The following GRM7 variants were observed in gnomAD, a reference collection of about 807,000 sequenced individuals.
The protein encoded by GRM7 is glutamate metabotropic receptor 7, also known as metabotropic glutamate receptor 7.
A neutral mutation model predicts 84.5 loss-of-function variants in GRM7; 35 were observed. The ratio of observed to expected loss-of-function variants is 0.41; its 90% confidence interval spans 0.32 to 0.55. The LOEUF is 0.55. Among genes scored for constraint, GRM7 ranks in the 20% least tolerant of loss-of-function variants. The pLI is 0.19. For synonymous variants in GRM7, 487 were observed against 455.1 expected (o/e 1.07, Z -0.89); for missense variants, 1,003 against 1,194.6 (o/e 0.84, Z 2.36).
At position 6,887,632 on chromosome 3, in the gene GRM7, G is replaced by C. The variant is rs144130962; in HGVS notation, c.519+25725G>C. ...CATTTTCTTAATCCAGTCTATCATTGCTGGACATTTGGGTTGGTTCCAAGT... is the reference window on the plus strand; with the variant it reads ...CATTTTCTTAATCCAGTCTATCATTCCTGGACATTTGGGTTGGTTCCAAGT... On this transcript the variant is annotated intron_variant, in intron 1 of 9. Transcript: ENST00000357716. 8.6e-3 allele frequency among the ~76,000 whole-genome samples: 1,313 copies of C among 152,148 alleles called. 5 individuals carry two copies. Among genetic ancestry groups the C allele is most frequent in the Non-Finnish European group, 0.015 (1,000 of 68,020 alleles).
intron 2 of GRM7, among the ~76,000 whole-genome samples, chr3:7,176,321 G>A (rs965154122): frequency 2.0e-5 from 3 of 149,516 alleles, no homozygotes; most frequent in African/African-American, 4.9e-5. Context: ...AAAGGTGGGA[G>A]GATTGATTGA....
chr3:7,153,249 T>C (rs1694344876), intron 2 of GRM7, among the ~76,000 whole-genome samples: 1 of 150,794 alleles, frequency 6.6e-6, no homozygotes, highest in African/African-American at 2.4e-5. Flanking sequence ...TTATCCCTCA[T>C]AACTTAAATT....
At position 7,065,069 on chromosome 3, in the gene GRM7, G is replaced by C. The variant is rs1425118862; in HGVS notation, c.520-81383G>C. Among the ~76,000 whole-genome samples the C allele has an allele frequency of 1.7e-4, 26 of 151,532 alleles. No homozygotes were observed. In the Admixed American group the frequency reaches 1.7e-3, roughly 10 times the overall value. On this transcript the variant is annotated intron_variant, in intron 1 of 9. Transcript: ENST00000357716. ...TTTTCTTACTGATTTGTTTGAGTTG[G>C]TTGTAGATTCTGGTTATTAGTCCTT...
intron 1 of GRM7, among the ~76,000 whole-genome samples, chr3:6,940,171 A>C (rs1354755311): frequency 6.6e-6 from 1 of 152,094 alleles, no homozygotes; most frequent in Non-Finnish European, 1.5e-5. Flanking sequence ...GGCTCACTGC[A>C]GACTCCGCCT....
intron 8 of GRM7, among the ~76,000 whole-genome samples, chr3:7,647,646 A>G (rs28627576): frequency 0.59 from 90,145 of 152,056 alleles, 27,052 homozygotes; most frequent in Non-Finnish European, 0.63. Flanking sequence ...GAGTAATAAT[A>G]GAGACCACTA....
chr3:7,349,937 A>G (rs1025127570), intron 4 of GRM7, among the ~76,000 whole-genome samples: 1 of 151,904 alleles, frequency 6.6e-6, no homozygotes, highest in Non-Finnish European at 1.5e-5. Context: ...TTTAAGCCCA[A>G]TTCCTTTGTT....
At chr3:7,682,991 A>T (rs954364197) in intron 9 of GRM7, among the ~76,000 whole-genome samples, 6 of 152,220 alleles carry the variant, frequency 3.9e-5, no homozygotes, top group African/African-American at 1.4e-4. Context: ...GGTTAACAGC[A>T]GAGGTTGGAC....
intron 2 of GRM7, among the ~76,000 whole-genome samples, chr3:7,165,459 A>C (rs1374269790): frequency 6.6e-6 from 1 of 152,118 alleles, no homozygotes; most frequent in African/African-American, 2.4e-5. Context: ...TTTTATGTGT[A>C]TTTTTAGTTG....
At chr3:7,416,212 A>T (rs1696152172) in intron 5 of GRM7, among the ~76,000 whole-genome samples, 1 of 152,042 alleles carries the variant, frequency 6.6e-6, no homozygotes, top group Non-Finnish European at 1.5e-5. Flanking sequence ...TCATTTTAGG[A>T]TGTACGTGGG....
intron 8 of GRM7, among the ~76,000 whole-genome samples, chr3:7,612,004 G>C (rs887746714): frequency 2.6e-5 from 4 of 152,106 alleles, no homozygotes; most frequent in Admixed American, 2.6e-4. Flanking sequence ...TCTGACTTTT[G>C]TTACCTTGAG....
chr3:6,979,137 A>G (rs1694104711), intron 1 of GRM7, among the ~76,000 whole-genome samples: 2 of 152,160 alleles, frequency 1.3e-5, no homozygotes, highest in African/African-American at 4.8e-5. Context: ...AAGATTAATC[A>G]AAAGACCCAC....
intron 7 of GRM7, among the ~76,000 whole-genome samples, chr3:7,515,959 A>G (rs1313146801): frequency 6.6e-6 from 1 of 151,936 alleles, no homozygotes. Flanking sequence ...CCTGGGAAAC[A>G]TAGGGAGACC....
At chr3:7,604,767 C>T (rs1464537292) in intron 8 of GRM7, among the ~76,000 whole-genome samples, 3 of 152,066 alleles carry the variant, frequency 2.0e-5, no homozygotes, top group Non-Finnish European at 2.9e-5. Context: ...CATATTCTGT[C>T]ATGTAAAGTA....
chr3:7,121,355 ATC>A (rs1693213440), intron 1 of GRM7, among the ~76,000 whole-genome samples: 1 of 151,750 alleles, frequency 6.6e-6, no homozygotes, highest in Admixed American at 6.6e-5. Context: ...CCATCCATCC[ATC>A]CATCCATCCA....
intron 2 of GRM7, among the ~76,000 whole-genome samples, chr3:7,230,116 G>A (rs1384683207): frequency 3.3e-5 from 5 of 151,856 alleles, no homozygotes; most frequent in African/African-American, 9.7e-5. Context: ...TGGGATTGCC[G>A]GCATGAGCCA....
At chr3:7,454,957 G>T (rs1480821263) in intron 6 of GRM7, among the ~76,000 whole-genome samples, 1 of 152,080 alleles carries the variant, frequency 6.6e-6, no homozygotes, top group Non-Finnish European at 1.5e-5. Flanking sequence ...AAGGTTAAAA[G>T]AACCCTTAGA....
chr3:7,627,530 A>C (rs986446027), intron 8 of GRM7, among the ~76,000 whole-genome samples: 5 of 152,246 alleles, frequency 3.3e-5, no homozygotes, highest in African/African-American at 1.2e-4. Flanking sequence ...GCATGGTATT[A>C]AAACCACGAA....
intron 5 of GRM7, among the ~76,000 whole-genome samples, chr3:7,440,530 A>T (rs920299924): frequency 1.3e-5 from 2 of 152,166 alleles, no homozygotes; most frequent in African/African-American, 4.8e-5. Context: ...TAGTTTCAAG[A>T]GTACATATGC....
chr3:7,083,407 C>T (rs1698334765), intron 1 of GRM7, among the ~76,000 whole-genome samples: 2 of 152,092 alleles, frequency 1.3e-5, no homozygotes, highest in Non-Finnish European at 2.9e-5. Context: ...ACAGTGTGAA[C>T]ACAATTTTCC....
Sources: allele counts gnomAD v4.1 joint callset (sites outside exome capture counted in the v4.1 genomes callset), GRCh38; gene constraint gnomAD v4.1.1; transcripts MANE v1.5; gene names NCBI Gene and HGNC (gene_info 2026-07-23, HGNC 2026-07-21).